Variants in PDZRN4 observed in about 807,000 individuals in gnomAD.
PDZRN4 encodes the protein PDZ domain containing ring finger 4.
In PDZRN4, 70 loss-of-function variants were observed where a neutral mutation model predicts 99.0. The observed-to-expected ratio is 0.71, with a 90% CI of 0.58 to 0.86. The LOEUF is 0.86. Ranked by LOEUF, PDZRN4 falls within the 40% of genes least tolerant of loss-of-function variation. PDZRN4 has a pLI of 0.00. For missense variants in PDZRN4, 1,474 were observed against 1,331.2 expected (o/e 1.11, Z -1.67); for synonymous variants, 551 against 501.6 (o/e 1.10, Z -1.32).
chr12:41,487,173 C>G (rs1937793779), intron 3 of PDZRN4, among the ~76,000 whole-genome samples: 1 of 152,024 alleles, frequency 6.6e-6, no homozygotes, highest in African/African-American at 2.4e-5. Flanking sequence ...ACTCTGAGGT[C>G]AGAGATTTTG....
At chr12:41,350,594 T>A (rs1353343492) in intron 3 of PDZRN4, among the ~76,000 whole-genome samples, 1 of 152,110 alleles carries the variant, frequency 6.6e-6, no homozygotes, top group African/African-American at 2.4e-5. Context: ...AGGGTTGTAT[T>A]CTAGTTTAAG....
chr12:41,338,246 A>C (rs1466392667), intron 3 of PDZRN4, among the ~76,000 whole-genome samples: 4 of 152,158 alleles, frequency 2.6e-5, no homozygotes, highest in African/African-American at 9.6e-5. Flanking sequence ...CAGTAGTAAA[A>C]TGTAACCTGA....
chr12:41,401,265 C>T (rs893478956), intron 3 of PDZRN4, among the ~76,000 whole-genome samples: 2 of 152,060 alleles, frequency 1.3e-5, no homozygotes, highest in Non-Finnish European at 2.9e-5. Context: ...GTACCATTTC[C>T]CTCATTCAGG....
intron 3 of PDZRN4, among the ~76,000 whole-genome samples, chr12:41,372,801 A>G (rs1168426286): frequency 6.6e-6 from 1 of 152,172 alleles, no homozygotes; most frequent in East Asian, 1.9e-4. Context: ...GAGAAACATG[A>G]CAGGGATTAG....
chr12:41,246,468 C>A (rs1375662949), intron 3 of PDZRN4, among the ~76,000 whole-genome samples: 2 of 152,168 alleles, frequency 1.3e-5, no homozygotes, highest in African/African-American at 4.8e-5. Flanking sequence ...TTATTGGGTT[C>A]TTTCATGTGC....
intron 3 of PDZRN4, among the ~76,000 whole-genome samples, chr12:41,286,290 G>A (rs80044975): frequency 0.021 from 3,115 of 149,066 alleles, 80 homozygotes; most frequent in African/African-American, 0.06. Flanking sequence ...AAGGCTGATC[G>A]CTCAGAAAGT....
rs1208639023 is a variant in PDZRN4 at position 41,498,386 on chromosome 12, TA to T, written c.844-8064del. ...CCACATACTGGGCAATTTATAATTT[TA>T]AAAAATGTGTTTCTCACAGTTCTTG... On this transcript the variant is annotated intron_variant, in intron 3 of 9. Transcript: ENST00000402685. Among the ~76,000 whole-genome samples, 5 of 152,242 alleles carry T rather than the reference TA, an allele frequency of 3.3e-5. No homozygotes were observed. In the South Asian group the frequency reaches 1.0e-3, roughly 32 times the overall value.
intron 3 of PDZRN4, among the ~76,000 whole-genome samples, chr12:41,450,695 G>T (rs1952767130): frequency 6.6e-6 from 1 of 152,148 alleles, no homozygotes; most frequent in Non-Finnish European, 1.5e-5. Context: ...GCTGAGGCGG[G>T]GGGATCACTT....
intron 8 of PDZRN4, among the ~76,000 whole-genome samples, chr12:41,567,033 A>C (rs1233465062): frequency 1.3e-5 from 2 of 152,184 alleles, no homozygotes; most frequent in African/African-American, 4.8e-5. Flanking sequence ...TTCAATTTGC[A>C]TTAAGAGTCC....
intron 3 of PDZRN4, among the ~76,000 whole-genome samples, chr12:41,418,008 A>G (rs1246807414): frequency 6.6e-6 from 1 of 152,226 alleles, no homozygotes; most frequent in Non-Finnish European, 1.5e-5. Flanking sequence ...CATATGCAAC[A>G]TACCACTTGT....
intron 3 of PDZRN4, among the ~76,000 whole-genome samples, chr12:41,397,418 C>T (rs569660619): frequency 1.1e-4 from 16 of 152,228 alleles, no homozygotes; most frequent in African/African-American, 3.9e-4. Flanking sequence ...CTTTTGAAAG[C>T]AATTCCTACT....
chr12:41,195,130 A>G (rs189039763), intron 3 of PDZRN4, among the ~76,000 whole-genome samples: 46 of 152,264 alleles, frequency 3.0e-4, no homozygotes, highest in Non-Finnish European at 3.4e-4. Context: ...GGGTTATGTT[A>G]ATGAAATTTT....
intron 3 of PDZRN4, among the ~76,000 whole-genome samples, chr12:41,278,097 G>T (rs1205033856): frequency 1.3e-5 from 2 of 152,158 alleles, no homozygotes; most frequent in Non-Finnish European, 2.9e-5. Context: ...ACACTAAGAT[G>T]ATCCTTTTCC....
chr12:41,475,775 G>A (rs991092307), intron 3 of PDZRN4, among the ~76,000 whole-genome samples: 3 of 152,092 alleles, frequency 2.0e-5, no homozygotes, highest in Non-Finnish European at 2.9e-5. Context: ...TGTTAGAAAT[G>A]TTCAATGCCT....
intron 5 of PDZRN4, among the ~76,000 whole-genome samples, chr12:41,537,352 G>A (rs547912989): frequency 6.6e-6 from 1 of 152,252 alleles, no homozygotes; most frequent in East Asian, 1.9e-4. Context: ...GAGATACAAA[G>A]CTGAATACAT....
intron 3 of PDZRN4, among the ~76,000 whole-genome samples, chr12:41,399,998 CCGG>C (rs1395227575): frequency 6.6e-6 from 1 of 152,050 alleles, no homozygotes; most frequent in Non-Finnish European, 1.5e-5. Context: ...GCCCTCTGTA[CCGG>C]CTTCATATGT....
chr12:41,277,408 C>T (rs1268703255), intron 3 of PDZRN4, among the ~76,000 whole-genome samples: 1 of 152,190 alleles, frequency 6.6e-6, no homozygotes, highest in Non-Finnish European at 1.5e-5. Flanking sequence ...GATTTGTTAG[C>T]TCACAGGCAC....
chr12:41,267,472 T>C (rs1435659930), intron 3 of PDZRN4, among the ~76,000 whole-genome samples: 1 of 152,088 alleles, frequency 6.6e-6, no homozygotes, highest in East Asian at 1.9e-4. Context: ...GGGTTTTCCA[T>C]CGAATCAGAG....
intron 3 of PDZRN4, among the ~76,000 whole-genome samples, chr12:41,199,891 CTGA>C (rs1950803284): frequency 6.6e-6 from 1 of 152,014 alleles, no homozygotes; most frequent in South Asian, 2.1e-4. Flanking sequence ...GGATTGAGGG[CTGA>C]TAATTACTTA....
Sources: allele counts gnomAD v4.1 joint callset (sites outside exome capture counted in the v4.1 genomes callset), GRCh38; gene constraint gnomAD v4.1.1; transcripts MANE v1.5; gene names NCBI Gene and HGNC (gene_info 2026-07-23, HGNC 2026-07-21).